Variants in RPE65 observed in about 807,000 individuals in gnomAD.
The protein encoded by RPE65 is retinoid isomerohydrolase.
In RPE65, 58 loss-of-function variants were observed where a neutral mutation model predicts 68.5. That is an observed-to-expected ratio of 0.85 (90% CI 0.69 to 1.05). RPE65 has a LOEUF of 1.05. RPE65 is among the 50% of genes least tolerant of loss of function. RPE65 has a pLI of 0.00. For missense variants in RPE65, 643 were observed against 629.9 expected (o/e 1.02, Z -0.22); for synonymous variants, 220 against 222.2 (o/e 0.99, Z 0.09).
In RPE65 at chr1:68,446,810, G is replaced by C; in HGVS notation, c.145C>G (p.Leu49Val). Residue 49 changes from leucine to valine, a missense_variant, in exon 3 of 14, where the codon CTC (leucine) becomes GTC (valine). Coordinates refer to ENST00000262340, the MANE Select transcript of RPE65 (RefSeq NM_000329.3). Reference protein sequence around the residue: ...TGSLLRCGPGLFEVGSEPFYH... With the variant: ...TGSLLRCGPGVFEVGSEPFYH... ...AATGGCTCAGATCCAACTTCAAAGA[G>C]TCCTGGCCCACATCGAAGGAGACTG... is the stretch of plus-strand genomic sequence containing the variant. 6.2e-7 allele frequency: 1 copy of C among 1,614,126 alleles called. No individual in the cohort carries two copies. Among genetic ancestry groups the C allele is most frequent in the Non-Finnish European group, 8.5e-7 (1 of 1,180,030 alleles).
chr1:68,444,666 A>G lies in RPE65; in HGVS notation c.360T>C (p.Phe120=), dbSNP rs766433624. ...DPCKNIFSRF[F]SYFRGVEVTD... ...TAACCTCTACTCCTCGAAAGTAAGA[A>G]AAAAACCTGTAGAAACAAATGAATT... Residue 120 remains phenylalanine (F), a synonymous_variant, in exon 5 of 14, where the codon TTT becomes TTC. Transcript: ENST00000262340. 6.2e-7 allele frequency: 1 copy of G among 1,614,176 alleles called. No homozygotes were observed. Among genetic ancestry groups the G allele is most frequent in the South Asian group, 1.1e-5 (1 of 91,078 alleles).
intron 7 of RPE65, 116 bp from the exon 8 acceptor site, chr1:68,439,439 A>T: frequency 6.5e-7 from 1 of 1,548,462 alleles, no homozygotes; most frequent in Non-Finnish European, 8.9e-7. Context: ...ACATGAAATT[A>T]ATTATGTTTA....
rs12083082 is a variant in RPE65, at chr1:68,438,505, T to A, written c.999-189A>T. Among the ~76,000 whole-genome samples, 269 of 152,266 alleles carry A rather than the reference T, an allele frequency of 1.8e-3. 1 individual carries two copies. Among genetic ancestry groups the A allele is most frequent in the African/African-American group, 5.0e-3 (206 of 41,566 alleles). On this transcript the variant is annotated intron_variant, in intron 9 of 13. Transcript: ENST00000262340. ...GATGAAAATAAAGCAACCTGCTTAA[T>A]GGATTTGTTTAAGTAACAGCAGCCT... is the stretch of plus-strand genomic sequence containing the variant.
intron 3 of RPE65, 32 bp from the exon 4 acceptor site, chr1:68,444,915 A>C: frequency 6.3e-7 from 1 of 1,592,710 alleles, no homozygotes; most frequent in Non-Finnish European, 8.6e-7. Flanking sequence ...GGAAGAGTAT[A>C]GACAGGAGCA....
At chr1:68,437,700 G>T (rs963229898) in intron 10 of RPE65, among the ~76,000 whole-genome samples, 2 of 152,126 alleles carry the variant, frequency 1.3e-5, no homozygotes, top group Non-Finnish European at 2.9e-5. Context: ...TAGAAATAAA[G>T]AGATGACTGT....
intron 10 of RPE65, among the ~76,000 whole-genome samples, chr1:68,436,591 C>T (rs1456725894): frequency 6.6e-6 from 1 of 151,894 alleles, no homozygotes; most frequent in Non-Finnish European, 1.5e-5. Context: ...GCTTCAGCCT[C>T]CTGAGTAGCT....
chr1:68,439,464 C>CA (rs1378105428), intron 7 of RPE65, 97 bp downstream of exon 7: 26 of 1,560,160 alleles, frequency 1.7e-5, no homozygotes, highest in East Asian at 4.5e-5. Flanking sequence ...TAGTTTTCTG[C>CA]AAAAAAATAT....
intron 10 of RPE65, 142 bp downstream of exon 10, chr1:68,438,045 G>C: frequency 1.0e-6 from 1 of 979,724 alleles, no homozygotes; most frequent in South Asian, 1.6e-5. Context: ...GTAAAATGAA[G>C]GAAGTTTAAT....
intron 10 of RPE65, among the ~76,000 whole-genome samples, chr1:68,434,939 T>A (rs1189240890): frequency 6.6e-6 from 1 of 152,188 alleles, no homozygotes; most frequent in East Asian, 1.9e-4. Flanking sequence ...TGCCAAACTT[T>A]TAAGAGTGTG....
At position 68,439,146 on chromosome 1, in the gene RPE65, ATCT is replaced by A. The variant is rs1281166994; in HGVS notation, c.858+42_858+44del. 9.9e-6 allele frequency: 16 copies of A among 1,613,918 alleles called. No homozygotes were observed. In the East Asian group the frequency reaches 2.0e-4, roughly 20 times the overall value. On this transcript the variant is annotated intron_variant, in intron 8 of 13. Transcript: ENST00000262340. ...GAAAAAAGTGTACATTATTAAACAC[ATCT>A]TCTTCAGAATCACAAACTTGACAAA...
chr1:68,441,231 G>A (rs556284650), intron 5 of RPE65, among the ~76,000 whole-genome samples: 1 of 152,156 alleles, frequency 6.6e-6, no homozygotes, highest in East Asian at 1.9e-4. Context: ...CTCTTTATTT[G>A]ATGTATACCA....
intron 2 of RPE65, among the ~76,000 whole-genome samples, chr1:68,447,354 G>C (rs752338784): frequency 9.9e-5 from 15 of 152,136 alleles, no homozygotes; most frequent in South Asian, 2.1e-4. Context: ...TTAAAATCTA[G>C]AGCTATATCC....
chr1:68,435,150 AGTAGGAACTAGGGCTTTCTGGTGGCTCT>A (rs1645852075), intron 10 of RPE65, among the ~76,000 whole-genome samples: 2 of 152,024 alleles, frequency 1.3e-5, no homozygotes, highest in African/African-American at 4.8e-5. Context: ...ACTCTCTCTT[AGTAGGAACTAGGGCTTTCTGGTGGCTCT>A]TGTTTCTTTT....
In RPE65 at chr1:68,434,066, T is replaced by C. The variant is rs1645844108; in HGVS notation, c.1129-2481A>G. Among the ~76,000 whole-genome samples the C allele has an allele frequency of 4.7e-5, 7 of 147,898 alleles. No individual in the cohort carries two copies. The South Asian group carries it at 1.1e-3, about 23-fold the overall frequency. The stretch of plus-strand genomic sequence containing the variant: ...ATTATGGAAGGAGTATAGTCTTAAG[T>C]AGTGGCAAAGTCGAGGGCATGAGGG... On this transcript the variant is annotated intron_variant, in intron 10 of 13. Coordinates refer to ENST00000262340, the MANE Select transcript of RPE65 (RefSeq NM_000329.3).
chr1:68,446,829 G>A lies in RPE65; in HGVS notation c.126C>T (p.Leu42=), dbSNP rs148973921. 107 of 1,613,812 alleles carry A rather than the reference G, an allele frequency of 6.6e-5. No individual in the cohort carries two copies. The highest frequency in any genetic ancestry group is 8.7e-5 in the Non-Finnish European group (103 of 1,180,056). Residue 42 remains leucine, a synonymous_variant, in exon 3 of 14, where the codon CTC becomes CTT. Coordinates refer to ENST00000262340, the MANE Select transcript of RPE65 (RefSeq NM_000329.3). ...GRIPLWLTGS[L]LRCGPGLFEV... ...CAAAGAGTCCTGGCCCACATCGAAG[G>A]AGACTGCCGGTGAGCCAGAGGGGGA...
intron 10 of RPE65, among the ~76,000 whole-genome samples, chr1:68,436,122 G>C (rs2100814098): frequency 6.6e-6 from 1 of 152,214 alleles, no homozygotes; most frequent in East Asian, 1.9e-4. Context: ...TAAGTTAAGT[G>C]ATCCTCTTTT....
At chr1:68,431,669 T>C (rs2100808230) in intron 10 of RPE65, 84 bp from the exon 11 acceptor site, 1 of 1,206,368 alleles carries the variant, frequency 8.3e-7, no homozygotes, top group Non-Finnish European at 1.2e-6. Flanking sequence ...TCTTGGCTCC[T>C]AAGTTCTTTT....
chr1:68,439,393 A>G lies in RPE65; in HGVS notation c.726-70T>C. ...TCAAGCCACAGACAAATTTGTATAT[A>G]TGTGGTATGCTCAGTTACAAGAATC... On this transcript the variant is annotated intron_variant, in intron 7 of 13. Coordinates refer to ENST00000262340, the MANE Select transcript of RPE65 (RefSeq NM_000329.3). 2.5e-6 allele frequency: 4 copies of G among 1,600,064 alleles called. No homozygotes were observed. The South Asian group carries it at 4.4e-5, about 18-fold the overall frequency.
chr1:68,441,793 T>G (rs947254353), intron 5 of RPE65, among the ~76,000 whole-genome samples: 32 of 151,048 alleles, frequency 2.1e-4, no homozygotes, highest in African/African-American at 7.6e-4. Flanking sequence ...CTAACCAAAA[T>G]TATTTCCAAT....
Sources: allele counts gnomAD v4.1 joint callset (sites outside exome capture counted in the v4.1 genomes callset), GRCh38; gene constraint gnomAD v4.1.1; transcripts MANE v1.5; gene names NCBI Gene and HGNC (gene_info 2026-07-23, HGNC 2026-07-21).